FNIP1: variants seen among roughly 807,000 people sequenced by gnomAD.
FNIP1 encodes folliculin interacting protein 1, also known as folliculin-interacting protein 1.
In FNIP1, 40 loss-of-function variants were observed where a neutral mutation model predicts 124.5. That is an observed-to-expected ratio of 0.32 (90% CI 0.25 to 0.42). The LOEUF (loss-of-function observed/expected upper bound fraction) is 0.42, where lower values mean the gene tolerates loss of function less well. Among genes scored for constraint, FNIP1 ranks in the 10% least tolerant of loss-of-function variants. The pLI, the probability that FNIP1 is intolerant of heterozygous loss-of-function variation, is 1.00. For missense variants in FNIP1, 1,176 were observed against 1,403.7 expected, an observed-to-expected ratio of 0.84 and a Z score of 2.59; for synonymous variants, 472 against 470.6, an observed-to-expected ratio of 1.00 and a Z score of -0.04.
At chr5:131,727,739 T>C (rs932359633) in intron 3 of FNIP1, among the ~76,000 whole-genome samples, 4 of 152,226 alleles carry the variant, frequency 2.6e-5, no homozygotes, top group African/African-American at 9.6e-5. Context: ...GCTGGTTATT[T>C]TGCCTGTTTG....
At chr5:131,683,403 A>C (rs77037025) in intron 11 of FNIP1, among the ~76,000 whole-genome samples, 3 of 151,914 alleles carry the variant, frequency 2.0e-5, no homozygotes, top group Non-Finnish European at 4.4e-5. Context: ...AAAAAAAAAA[A>C]TTAGCCAGGC....
chr5:131,718,466 CT>C (rs1425098048), intron 5 of FNIP1, among the ~76,000 whole-genome samples: 1 of 152,194 alleles, frequency 6.6e-6, no homozygotes, highest in East Asian at 1.9e-4. Context: ...CAGTAATTTA[CT>C]AGGTTCTGGC....
In FNIP1 at chr5:131,716,566, T is replaced by G. The variant is rs1454554903; in HGVS notation, c.621A>C (p.Ile207=). The change falls in exon 6 of 18, where the codon ATA becomes ATC. Residue 207 remains isoleucine (I), a splice_region_variant and synonymous_variant. Coordinates refer to ENST00000510461, the MANE Select transcript of FNIP1 (RefSeq NM_133372.3). ...TATAAAATCAAAGGAACCATTTACC[T>G]ATATTTCCAAGCAGTCCATTAATAA... The part of the protein sequence containing the change: ...NTVINGLLGN[I]GLSQFCSPRR... 1 of 1,580,318 alleles carries G rather than the reference T, an allele frequency of 6.3e-7. No homozygotes were observed. Among genetic ancestry groups the G allele is most frequent in the African/African-American group, 1.4e-5 (1 of 73,818 alleles).
chr5:131,731,675 AAAC>A (rs1240026402), intron 2 of FNIP1, among the ~76,000 whole-genome samples: 1 of 151,928 alleles, frequency 6.6e-6, no homozygotes, highest in African/African-American at 2.4e-5. Context: ...CAAACAAACA[AAAC>A]AACCCTTAAT....
rs149963678 is a variant in FNIP1 at position 131,670,938 on chromosome 5, A to G, written c.2940-307T>C. On this transcript the variant is annotated intron_variant, in intron 14 of 17. Coordinates refer to ENST00000510461, the MANE Select transcript of FNIP1 (RefSeq NM_133372.3). The stretch of plus-strand genomic sequence containing the variant: ...CAACTGAGTAATGAAGTGAGGATCA[A>G]TCTTTCCTAAGAGACTTTAAGAGAA... 1.1e-4 allele frequency among the ~76,000 whole-genome samples: 17 copies of G among 152,314 alleles called. No individual in the cohort carries two copies. The East Asian group carries it at 2.9e-3, about 26-fold the overall frequency.
Position 131,796,994 on chromosome 5 carries a change from C to G in FNIP1, c.-73G>C, listed in dbSNP as rs1285048001. On this transcript the variant is annotated 5_prime_UTR_variant, in exon 1 of 18. Coordinates refer to ENST00000510461, the MANE Select transcript of FNIP1 (RefSeq NM_133372.3). ...CCCTGCTCCTACAGCCGCCCCGCCA[C>G]CCCCATGGGCGCCTCAGTCATATGA... is the stretch of plus-strand genomic sequence containing the variant. The G allele has an allele frequency of 1.5e-6, 2 of 1,337,182 alleles. No individual in the cohort carries two copies. Among genetic ancestry groups the G allele is most frequent in the Admixed American group, 4.6e-5 (2 of 43,556 alleles). 82.8% of individuals were successfully genotyped at this position (1,337,182 alleles called of 1,614,324 possible).
rs763688882 is a variant in FNIP1, at chr5:131,672,770, T to C, written c.1674A>G (p.Glu558=). The change falls in exon 14 of 18, where the codon GAA becomes GAG. Residue 558 remains glutamate, a synonymous_variant. Transcript: ENST00000510461. ...TGCCTGGCATAACGATGGCTTCATC[T>C]TCTCCATTTTCTAAAAGATGCGTTT... ...LQETHLLENG[E]DEAIVMPGTV... The C allele has an allele frequency of 1.1e-5, 17 of 1,613,408 alleles. No individual in the cohort carries two copies. The highest frequency in any genetic ancestry group is 1.4e-5 in the Non-Finnish European group (17 of 1,179,860).
At chr5:131,730,582 C>A (rs1183137371) in intron 3 of FNIP1, among the ~76,000 whole-genome samples, 1 of 152,068 alleles carries the variant, frequency 6.6e-6, no homozygotes, top group Non-Finnish European at 1.5e-5. Context: ...TTTCATACAA[C>A]TGAAACTGTA....
At chr5:131,752,824 T>G (rs1770923407) in intron 1 of FNIP1, among the ~76,000 whole-genome samples, 1 of 152,116 alleles carries the variant, frequency 6.6e-6, no homozygotes, top group African/African-American at 2.4e-5. Flanking sequence ...TCCCAGCACT[T>G]TGGGAGGCCA....
intron 1 of FNIP1, among the ~76,000 whole-genome samples, chr5:131,786,542 A>C (rs1309603341): frequency 6.6e-6 from 1 of 152,242 alleles, no homozygotes; most frequent in Admixed American, 6.5e-5. Flanking sequence ...TGAAGGCTGG[A>C]AAAGAGAAAT....
intron 1 of FNIP1, among the ~76,000 whole-genome samples, chr5:131,756,157 G>A (rs1229962575): frequency 6.6e-6 from 1 of 152,176 alleles, no homozygotes; most frequent in Non-Finnish European, 1.5e-5. Flanking sequence ...AACAGTTTCA[G>A]TGGAGGCAGT....
rs186999421 is a variant in FNIP1 at position 131,793,481 on chromosome 5, G to C, written c.92+3349C>G. Among the ~76,000 whole-genome samples, 325 of 152,180 alleles carry C rather than the reference G, an allele frequency of 2.1e-3. 1 individual carries two copies. Among genetic ancestry groups the C allele is most frequent in the African/African-American group, 7.7e-3 (318 of 41,514 alleles). On this transcript the variant is annotated intron_variant, in intron 1 of 17. Coordinates refer to ENST00000510461, the MANE Select transcript of FNIP1 (RefSeq NM_133372.3). The stretch of plus-strand genomic sequence containing the variant: ...CTTGAAATGGAGAAAACAAATTACT[G>C]TCTCAATTCTATAAATGACTGAAAA...
At chr5:131,720,972 T>G (rs764908332) in intron 3 of FNIP1, among the ~76,000 whole-genome samples, 4 of 152,202 alleles carry the variant, frequency 2.6e-5, no homozygotes, top group Non-Finnish European at 4.4e-5. Flanking sequence ...GCAATTCCAC[T>G]TCTGGGCATT....
intron 1 of FNIP1, among the ~76,000 whole-genome samples, chr5:131,787,429 C>G (rs1356153741): frequency 2.6e-5 from 4 of 152,198 alleles, no homozygotes; most frequent in South Asian, 4.1e-4. Flanking sequence ...CACACAGACA[C>G]CCCGCAGTAC....
At chr5:131,664,551 C>T (rs1767535510) in intron 15 of FNIP1, among the ~76,000 whole-genome samples, 1 of 145,656 alleles carries the variant, frequency 6.9e-6, no homozygotes, top group Non-Finnish European at 1.5e-5. Context: ...TGGGAGATTG[C>T]TTGAGCCCAG....
chr5:131,736,513 C>G (rs1283365638), intron 2 of FNIP1, among the ~76,000 whole-genome samples: 1 of 152,198 alleles, frequency 6.6e-6, no homozygotes, highest in African/African-American at 2.4e-5. Flanking sequence ...CAGTACCAGT[C>G]CATGGCCTGT....
intron 1 of FNIP1, among the ~76,000 whole-genome samples, chr5:131,778,120 G>A (rs1771872328): frequency 6.6e-6 from 1 of 151,886 alleles, no homozygotes; most frequent in African/African-American, 2.4e-5. Flanking sequence ...ACACTTTGGG[G>A]GGCCCAGGCT....
chr5:131,698,987 G>A lies in FNIP1; in HGVS notation c.1132C>T (p.Arg378Trp), dbSNP rs747164826. ...CTCTGACTGGCATCAGCTGATCTCC[G>A]GCTCATTTTCATAGCCTTGAAAACA... ...SAIEQAMKMS[R>W]RSADASQRSL... is the part of the protein sequence containing the mutation. The change falls in exon 11 of 18, where the codon CGG becomes TGG. Residue 378 changes from arginine (R) to tryptophan (W), a missense_variant. Coordinates refer to ENST00000510461, the MANE Select transcript of FNIP1 (RefSeq NM_133372.3). The A allele has an allele frequency of 6.8e-6, 11 of 1,609,038 alleles. No individual in the cohort carries two copies. The highest frequency in any genetic ancestry group is 2.2e-5 in the East Asian group (1 of 44,544).
intron 2 of FNIP1, among the ~76,000 whole-genome samples, chr5:131,732,429 C>T (rs1310171516): frequency 1.3e-5 from 2 of 152,118 alleles, no homozygotes; most frequent in African/African-American, 2.4e-5. Flanking sequence ...AATGGTATTG[C>T]CTAGGTTTTC....
Sources: allele counts gnomAD v4.1 joint callset (sites outside exome capture counted in the v4.1 genomes callset), GRCh38; gene constraint gnomAD v4.1.1; transcripts MANE v1.5; gene names NCBI Gene and HGNC (gene_info 2026-07-23, HGNC 2026-07-21).